CCDC152: variants seen among roughly 807,000 people sequenced by gnomAD.
The protein encoded by CCDC152 is coiled-coil domain containing 152, also known as coiled-coil domain-containing protein 152.
CCDC152 carries 37 observed loss-of-function variants against 38.1 expected under a neutral mutation model. The observed-to-expected ratio is 0.97, with a 90% CI of 0.75 to 1.28. The LOEUF (loss-of-function observed/expected upper bound fraction) is 1.28, where lower values mean the gene tolerates loss of function less well. Ranked by LOEUF, CCDC152 falls within the 50% of genes most tolerant of loss-of-function variation. The probability of loss-of-function intolerance (pLI) is 0.00; values close to 1 mark genes in which losing one functional copy is unlikely to be tolerated. For synonymous variants in CCDC152, 83 were observed against 87.1 expected, an observed-to-expected ratio of 0.95 and a Z score of 0.26; for missense variants, 259 against 292.1, an observed-to-expected ratio of 0.89 and a Z score of 0.83.
Position 42,759,028 on chromosome 5 carries a change from A to G in CCDC152, c.-2-92A>G, listed in dbSNP as rs1038910382. On this transcript the variant is annotated intron_variant, in intron 1 of 8. Transcript: ENST00000361970. The stretch of plus-strand genomic sequence containing the variant: ...CAAGTAGGTGCCCTATGAGTTGAAT[A>G]TAGAAATGTTAGTATTTGAGCTATG... The G allele has an allele frequency of 3.4e-6, 3 of 889,192 alleles. No individual in the cohort carries two copies. The African/African-American group carries it at 5.2e-5, about 15-fold the overall frequency. The allele number at this position is 889,192 out of a possible 1,614,324, so 55.1% of individuals were successfully genotyped here. A position where few individuals can be genotyped will look rare whatever the true frequency, so the allele number is the denominator to read the frequency against.
intron 6 of CCDC152, among the ~76,000 whole-genome samples, chr5:42,786,641 T>G (rs1017881449): frequency 2.0e-5 from 3 of 152,076 alleles, no homozygotes; most frequent in African/African-American, 4.8e-5. Context: ...TTCATCTCAT[T>G]TTCACTTAGT....
intron 6 of CCDC152, among the ~76,000 whole-genome samples, chr5:42,795,181 A>G (rs1397374763): frequency 2.0e-5 from 3 of 152,220 alleles, no homozygotes; most frequent in Admixed American, 6.5e-5. Context: ...ACAAAACTAT[A>G]GAAAGATTTA....
At chr5:42,768,761 C>T (rs992447461) in intron 3 of CCDC152, among the ~76,000 whole-genome samples, 1 of 152,196 alleles carries the variant, frequency 6.6e-6, no homozygotes, top group African/African-American at 2.4e-5. Context: ...TATAATTTGA[C>T]TCCCTTTCCT....
chr5:42,761,246 T>C (rs1289431418), intron 2 of CCDC152, among the ~76,000 whole-genome samples: 1 of 152,260 alleles, frequency 6.6e-6, no homozygotes, highest in Non-Finnish European at 1.5e-5. Flanking sequence ...GGCCTCTGTC[T>C]GTCTCTCTCT....
In CCDC152 at chr5:42,801,009, AGT is replaced by A; in HGVS notation, c.*1229_*1230del. On this transcript the variant is annotated 3_prime_UTR_variant, in exon 9 of 9. Transcript: ENST00000361970. ...CTCTGAATCTGTGGGCAATTTACAGAGTAATTGATTTATACATCTCTTTCGAC... is the reference window on the plus strand; with the variant it reads ...CTCTGAATCTGTGGGCAATTTACAGAAATTGATTTATACATCTCTTTCGAC... The A allele has an allele frequency of 6.2e-7, 1 of 1,614,198 alleles. No homozygotes were observed. Among genetic ancestry groups the A allele is most frequent in the South Asian group, 1.1e-5 (1 of 91,086 alleles).
chr5:42,777,363 G>A (rs1219661749), intron 4 of CCDC152, among the ~76,000 whole-genome samples: 1 of 151,870 alleles, frequency 6.6e-6, no homozygotes, highest in Non-Finnish European at 1.5e-5. Context: ...CTCGGGGGCC[G>A]AGGCAGGAAA....
chr5:42,764,124 A>C (rs971549324), intron 3 of CCDC152, among the ~76,000 whole-genome samples: 1 of 152,052 alleles, frequency 6.6e-6, no homozygotes, highest in African/African-American at 2.4e-5. Context: ...TTATTAACTA[A>C]ATTTCGACCA....
Position 42,801,386 on chromosome 5 carries a change from C to A in CCDC152, c.*1605C>A. The A allele has an allele frequency of 7.7e-7, 1 of 1,303,996 alleles. No homozygotes were observed. The highest frequency in any genetic ancestry group is 1.4e-5 in the South Asian group (1 of 69,730). The allele number at this position is 1,303,996 out of a possible 1,614,324, so 80.8% of individuals were successfully genotyped here. The stretch of plus-strand genomic sequence containing the variant: ...CAAGCTTATAGAGATAGGAATAATG[C>A]GTGAAAAATGATTTGTAGAGCTAAC... On this transcript the variant is annotated 3_prime_UTR_variant, in exon 9 of 9. Transcript: ENST00000361970.
rs751411404 is a variant in CCDC152 at position 42,800,953 on chromosome 5, G to A, written c.*1172G>A. On this transcript the variant is annotated 3_prime_UTR_variant, in exon 9 of 9. Coordinates refer to ENST00000361970, the MANE Select transcript of CCDC152 (RefSeq NM_001134848.2). Reference sequence around the variant, plus strand: ...CCTGTTTTTTCAAATATCAGATGTCGACAATGGCAGCATCAGCTCCTAGGA... The same window carrying A: ...CCTGTTTTTTCAAATATCAGATGTCAACAATGGCAGCATCAGCTCCTAGGA... 15 of 1,614,066 alleles carry A rather than the reference G, an allele frequency of 9.3e-6. No individual in the cohort carries two copies. Among genetic ancestry groups the A allele is most frequent in the Middle Eastern group, 1.6e-4 (1 of 6,084 alleles).
chr5:42,799,553 A>G, intron 8 of CCDC152, 95 bp downstream of exon 8: 2 of 1,156,208 alleles, frequency 1.7e-6, no homozygotes, highest in Non-Finnish European at 2.5e-6. Flanking sequence ...AATATAAGGT[A>G]TTTTTTAAAA....
chr5:42,796,734 T>G, intron 6 of CCDC152, 95 bp from the exon 7 acceptor site: 1 of 855,610 alleles, frequency 1.2e-6, no homozygotes, highest in South Asian at 2.3e-5. Context: ...TAAAATTTAC[T>G]TTTTTAGGAA....
intron 3 of CCDC152, among the ~76,000 whole-genome samples, chr5:42,766,566 G>A (rs928109569): frequency 1.3e-5 from 2 of 152,142 alleles, no homozygotes; most frequent in Non-Finnish European, 2.9e-5. Flanking sequence ...ACACAATGTA[G>A]TATTATTCAA....
chr5:42,759,689 AT>A (rs1216780411), intron 2 of CCDC152, among the ~76,000 whole-genome samples: 1 of 152,180 alleles, frequency 6.6e-6, no homozygotes, highest in Non-Finnish European at 1.5e-5. Context: ...TCCATGTTGT[AT>A]TATAGACCAC....
rs946707673 is a variant in CCDC152 at position 42,799,884 on chromosome 5, C to T, written c.*103C>T. 8.6e-6 allele frequency: 11 copies of T among 1,274,660 alleles called. No individual in the cohort carries two copies. In the Admixed American group the frequency reaches 1.3e-4, roughly 15 times the overall value. The allele number at this position is 1,274,660 out of a possible 1,614,324, so 79.0% of individuals were successfully genotyped here. A position where few individuals can be genotyped will look rare whatever the true frequency, so the allele number is the denominator to read the frequency against. On this transcript the variant is annotated 3_prime_UTR_variant, in exon 9 of 9. Coordinates refer to ENST00000361970, the MANE Select transcript of CCDC152 (RefSeq NM_001134848.2). ...CAGCCTACATAACAAACGAAGTCAG[C>T]TTTAAGGTTTTTATTGAATTTATTT...
In CCDC152 at chr5:42,800,693, T is replaced by C. The variant is rs779782895; in HGVS notation, c.*912T>C. ...GAAATGAAATTGTGTCTAGACTAAA[T>C]TGGGGAGTATGTCCTATTTTAAATA... On this transcript the variant is annotated 3_prime_UTR_variant, in exon 9 of 9. Coordinates refer to ENST00000361970, the MANE Select transcript of CCDC152 (RefSeq NM_001134848.2). The C allele has an allele frequency of 6.4e-7, 1 of 1,555,808 alleles. No homozygotes were observed. The highest frequency in any genetic ancestry group is 8.7e-7 in the Non-Finnish European group (1 of 1,150,888).
At chr5:42,767,433 C>T (rs1759639566) in intron 3 of CCDC152, among the ~76,000 whole-genome samples, 1 of 151,880 alleles carries the variant, frequency 6.6e-6, no homozygotes, top group Non-Finnish European at 1.5e-5. Flanking sequence ...TCTTAGAGCC[C>T]ACATTTGAGC....
At position 42,779,486 on chromosome 5, in the gene CCDC152, T is replaced by C; in HGVS notation, c.291T>C (p.Ala97=). The C allele has an allele frequency of 2.0e-6, 3 of 1,519,014 alleles. No homozygotes were observed. The highest frequency in any genetic ancestry group is 1.2e-5 in the South Asian group (1 of 83,298). 94.1% of individuals were successfully genotyped at this position (1,519,014 alleles called of 1,614,324 possible). A position where few individuals can be genotyped will look rare whatever the true frequency, so the allele number is the denominator to read the frequency against. The change falls in exon 5 of 9, where the codon GCT becomes GCC. Residue 97 remains alanine, a synonymous_variant. Transcript: ENST00000361970. ...KGENEQLKIS[A]DLIKEKLKSH... ...AAAATGAACAACTAAAAATAAGTGC[T>C]GATCTTATAAAAGAGAAGTTAAAGT...
At chr5:42,785,232 A>G (rs570856670) in intron 6 of CCDC152, among the ~76,000 whole-genome samples, 2 of 152,168 alleles carry the variant, frequency 1.3e-5, no homozygotes, top group African/African-American at 2.4e-5. Context: ...ATCCATGAGC[A>G]TGGAATGCTT....
At chr5:42,797,075 T>C in intron 7 of CCDC152, 119 bp downstream of exon 7, 1 of 703,078 alleles carries the variant, frequency 1.4e-6, no homozygotes, top group Non-Finnish European at 2.3e-6. Context: ...GTGAGAGGGC[T>C]TCACACATGC....
Sources: allele counts gnomAD v4.1 joint callset (sites outside exome capture counted in the v4.1 genomes callset), GRCh38; gene constraint gnomAD v4.1.1; transcripts MANE v1.5; gene names NCBI Gene and HGNC (gene_info 2026-07-23, HGNC 2026-07-21).